KANSL1: variants seen among roughly 807,000 people sequenced by gnomAD.
KANSL1 encodes MLL1/MLL complex subunit KANSL1.
Under a neutral mutation model 103.6 loss-of-function variants are expected in KANSL1, and 22 were observed. That is an observed-to-expected ratio of 0.21 (90% CI 0.15 to 0.30). The LOEUF is 0.30. Ranked by LOEUF, KANSL1 falls within the 10% of genes least tolerant of loss-of-function variation. The probability of loss-of-function intolerance (pLI) is 1.00; values close to 1 mark genes in which losing one functional copy is unlikely to be tolerated. For synonymous variants in KANSL1, 600 were observed against 527.6 expected (o/e 1.14, Z -1.88); for missense variants, 1,337 against 1,399.8 (o/e 0.96, Z 0.72).
chr17:46,195,614 G>A (rs866273670), upstream of KANSL1, among the ~76,000 whole-genome samples: 26 of 152,224 alleles, frequency 1.7e-4, no homozygotes, highest in Non-Finnish European at 2.9e-5. Flanking sequence ...CCAGGCTAGA[G>A]TGCAGTGGTG....
rs369274727 is a variant in KANSL1 at position 46,100,444 on chromosome 17, C to CAAAAAAAAAAAA, written c.1290-5755_1290-5744dup. ...ACAACAGAGTGAGACTCCCTCTCCC[C>CAAAAAAAAAAAA]AAAAAAAAAAAAAAAAAGCGCCCTC... On this transcript the variant is annotated intron_variant, in intron 2 of 14. Transcript: ENST00000432791. 5.6e-4 allele frequency among the ~76,000 whole-genome samples: 49 copies of CAAAAAAAAAAAA among 88,240 alleles called. 1 individual carries two copies. The highest frequency in any genetic ancestry group is 1.2e-3 in the Admixed American group (10 of 8,022). The allele number at this position is 88,240 out of a possible 152,430, so 57.9% of individuals were successfully genotyped here. A position where few individuals can be genotyped will look rare whatever the true frequency, so the allele number is the denominator to read the frequency against.
intron 2 of KANSL1, among the ~76,000 whole-genome samples, chr17:46,164,759 G>A (rs2045912569): frequency 6.6e-6 from 1 of 152,338 alleles, no homozygotes; most frequent in South Asian, 2.1e-4. Context: ...GTTATTTAAA[G>A]ATAAACAGTC....
At chr17:46,214,668 A>C (rs557345271) in intron 1 of KANSL1, among the ~76,000 whole-genome samples, 1 of 152,340 alleles carries the variant, frequency 6.6e-6, no homozygotes, top group African/African-American at 2.4e-5. Context: ...AAAAAAAAGA[A>C]ACAAAAACAG....
chr17:46,205,378 G>A (rs55921138), intron 1 of KANSL1, among the ~76,000 whole-genome samples: 7 of 150,658 alleles, frequency 4.6e-5, no homozygotes, highest in East Asian at 1.9e-4. Flanking sequence ...GCATCCCCCC[G>A]CCAAAAAAAA....
At chr17:46,112,458 G>A (rs1234531573) in intron 2 of KANSL1, among the ~76,000 whole-genome samples, 1 of 151,002 alleles carries the variant, frequency 6.6e-6, no homozygotes, top group African/African-American at 2.4e-5. Context: ...GCTGAGGCGA[G>A]CGGATCACCT....
At chr17:46,105,793 C>A (rs1314512027) in intron 2 of KANSL1, among the ~76,000 whole-genome samples, 1 of 151,732 alleles carries the variant, frequency 6.6e-6, no homozygotes, top group African/African-American at 2.4e-5. Context: ...ATCGCTTGAG[C>A]CTGGGAGGTC....
intron 2 of KANSL1, chr17:46,148,046 T>A (rs1353674968): frequency 1.3e-5 from 2 of 152,352 alleles, no homozygotes; most frequent in African/African-American, 4.8e-5. Context: ...TCCTACTTCA[T>A]AGAAAAGTTA....
At chr17:46,197,968 A>G (rs918529897), upstream of KANSL1, among the ~76,000 whole-genome samples, 1 of 152,210 alleles carries the variant, frequency 6.6e-6, no homozygotes, top group Non-Finnish European at 1.5e-5. Context: ...CTTTTTTTGC[A>G]CTTAAGAAAA....
At chr17:46,181,390 CT>C (rs1469023456) in intron 1 of KANSL1, among the ~76,000 whole-genome samples, 1 of 152,030 alleles carries the variant, frequency 6.6e-6, no homozygotes, top group Non-Finnish European at 1.5e-5. Context: ...TATCCTTTAC[CT>C]TTTTATCATC....
chr17:46,099,522 A>C (rs1568447202), intron 2 of KANSL1, among the ~76,000 whole-genome samples: 1 of 152,218 alleles, frequency 6.6e-6, no homozygotes, highest in Non-Finnish European at 1.5e-5. Context: ...AGGAAAGAAC[A>C]CAGGACTAAG....
At position 46,067,555 on chromosome 17, in the gene KANSL1, A is replaced by G. The variant is rs145343407; in HGVS notation, c.1646T>C (p.Ile549Thr). The G allele has an allele frequency of 3.8e-6, 6 of 1,578,248 alleles. No homozygotes were observed. Among genetic ancestry groups the G allele is most frequent in the Non-Finnish European group, 5.2e-6 (6 of 1,147,228 alleles). ...TAGAAGAGCTAAAACTTACGTGTTA[A>G]TAACTCCATTGACAGGTCTGAGTGC... ...CGALRPVNGVINTLQPVLADH... is the reference protein window; with the variant it reads ...CGALRPVNGVTNTLQPVLADH... The change falls in exon 5 of 15, where the codon ATT becomes ACT. Residue 549 changes from isoleucine (I) to threonine (T), a missense_variant. Ile to Thr is a moderately conservative substitution (Grantham distance 89). Transcript: ENST00000432791.
chr17:46,144,111 T>C (rs1186948918), intron 2 of KANSL1, among the ~76,000 whole-genome samples: 1 of 152,206 alleles, frequency 6.6e-6, no homozygotes, highest in Non-Finnish European at 1.5e-5. Flanking sequence ...CGAAAAATTA[T>C]AATTAGGTCA....
chr17:46,069,028 C>T (rs1229967949), intron 4 of KANSL1, among the ~76,000 whole-genome samples: 1 of 152,130 alleles, frequency 6.6e-6, no homozygotes, highest in Non-Finnish European at 1.5e-5. Context: ...CTGGTTCAAG[C>T]GATTCTCCTG....
chr17:46,069,108 T>G (rs1349983845), intron 4 of KANSL1, among the ~76,000 whole-genome samples: 4 of 152,052 alleles, frequency 2.6e-5, no homozygotes, highest in Non-Finnish European at 5.9e-5. Flanking sequence ...GTATTTTTAG[T>G]AGAGATGGGG....
chr17:46,051,833 A>C (rs931130256), intron 6 of KANSL1, among the ~76,000 whole-genome samples: 1 of 152,250 alleles, frequency 6.6e-6, no homozygotes, highest in African/African-American at 2.4e-5. Context: ...TGTAAGAGAA[A>C]GATATACATA....
intron 2 of KANSL1, among the ~76,000 whole-genome samples, chr17:46,159,737 T>C (rs947626832): frequency 2.6e-5 from 4 of 152,204 alleles, no homozygotes; most frequent in Non-Finnish European, 4.4e-5. Context: ...ACTGGGGAAA[T>C]AGTTGTTTGG....
chr17:46,125,089 G>GGAGGGAGGGAGGGAGA (rs2043487012), intron 2 of KANSL1, among the ~76,000 whole-genome samples: 2 of 74,004 alleles, frequency 2.7e-5, no homozygotes, highest in Non-Finnish European at 6.0e-5. Flanking sequence ...AGGGAGAGAG[G>GGAGGGAGGGAGGGAGA]GAGGGAGGGA....
chr17:46,033,220 C>A (rs776260028), intron 12 of KANSL1, 28 bp from the exon 13 acceptor site: 6 of 1,545,786 alleles, frequency 3.9e-6, no homozygotes, highest in Middle Eastern at 1.7e-4. Context: ...CATCGATCCC[C>A]TCTTTTCTCC....
intron 1 of KANSL1, among the ~76,000 whole-genome samples, chr17:46,179,179 T>A (rs1323682681): frequency 6.6e-6 from 1 of 151,570 alleles, no homozygotes; most frequent in East Asian, 1.9e-4. Flanking sequence ...AGCTGGGGGG[T>A]TCAACATCAC....
Sources: gnomAD v4.1 joint callset for allele counts (sites outside exome capture counted in the v4.1 genomes callset) on GRCh38, gnomAD v4.1.1 for gene constraint, MANE v1.5 for transcripts, NCBI Gene and HGNC (gene_info 2026-07-23, HGNC 2026-07-21) for gene names.